Variants in GPBP1 observed in about 807,000 individuals in gnomAD.
GPBP1 encodes vasculin.
A neutral mutation model predicts 56.5 loss-of-function variants in GPBP1; 13 were observed. That is an observed-to-expected ratio of 0.23 (90% CI 0.15 to 0.37). GPBP1 has a LOEUF of 0.37. GPBP1 is among the 10% of genes least tolerant of loss of function. The pLI is 1.00. For synonymous variants in GPBP1, 204 were observed against 188.9 expected (o/e 1.08, Z -0.66); for missense variants, 477 against 572.3 (o/e 0.83, Z 1.70).
chr5:57,241,217 A>G (rs961558355), intron 6 of GPBP1, among the ~76,000 whole-genome samples: 2 of 152,178 alleles, frequency 1.3e-5, no homozygotes, highest in Admixed American at 6.5e-5. Context: ...TAGTGAAAGG[A>G]AAGAGGTGAG....
chr5:57,180,987 C>T (rs1754018719), intron 2 of GPBP1, among the ~76,000 whole-genome samples: 1 of 152,082 alleles, frequency 6.6e-6, no homozygotes, highest in South Asian at 2.1e-4. Flanking sequence ...GGTGATCCAC[C>T]CACCTCAACA....
chr5:57,215,588 T>G (rs1263734928), intron 3 of GPBP1, among the ~76,000 whole-genome samples: 1 of 152,226 alleles, frequency 6.6e-6, no homozygotes, highest in Non-Finnish European at 1.5e-5. Context: ...AGGGCTCTCC[T>G]TACGTATCTC....
intron 10 of GPBP1, among the ~76,000 whole-genome samples, chr5:57,252,271 A>G (rs1455313303): frequency 1.3e-5 from 2 of 152,018 alleles, no homozygotes; most frequent in African/African-American, 2.4e-5. Flanking sequence ...ATTGAAGGGC[A>G]GAAAGTTTTA....
intron 2 of GPBP1, among the ~76,000 whole-genome samples, chr5:57,179,492 C>T (rs1214328630): frequency 1.3e-5 from 2 of 152,166 alleles, no homozygotes; most frequent in Non-Finnish European, 2.9e-5. Flanking sequence ...GGATTACAGG[C>T]CTAAACCACA....
intron 2 of GPBP1, among the ~76,000 whole-genome samples, chr5:57,202,085 C>T (rs1755044780): frequency 6.6e-6 from 1 of 152,140 alleles, no homozygotes. Flanking sequence ...CCTTGACTTC[C>T]CAGGTTCAGG....
chr5:57,236,099 G>A (rs1660811495), intron 6 of GPBP1, 67 bp downstream of exon 6: 2 of 1,085,226 alleles, frequency 1.8e-6, no homozygotes, highest in Admixed American at 2.0e-5. Flanking sequence ...CACTTTTTGT[G>A]TTTTTTAAAA....
At chr5:57,227,512 G>A (rs1244739449) in intron 3 of GPBP1, among the ~76,000 whole-genome samples, 1 of 152,306 alleles carries the variant, frequency 6.6e-6, no homozygotes, top group South Asian at 2.1e-4. Flanking sequence ...GTTCTTGCTT[G>A]TATGCCAAGA....
At position 57,223,819 on chromosome 5, in the gene GPBP1, A is replaced by G. The variant is rs1252960877; in HGVS notation, c.64-7027A>G. ...TAAAATTTATAATTTTAAAAAATAT[A>G]TATATTTGTTTATTTTATTTTATTT... On this transcript the variant is annotated intron_variant, in intron 3 of 11. Coordinates refer to ENST00000506184, the MANE Select transcript of GPBP1 (RefSeq NM_022913.4). 3.3e-5 allele frequency among the ~76,000 whole-genome samples: 5 copies of G among 149,430 alleles called. No individual in the cohort carries two copies. In the South Asian group the frequency reaches 1.0e-3, roughly 31 times the overall value.
At chr5:57,248,777 C>T (rs1376451266) in intron 8 of GPBP1, 2 of 152,186 alleles carry the variant, frequency 1.3e-5, no homozygotes, top group African/African-American at 4.8e-5. Context: ...GAAGGACTAG[C>T]ATTCCTAGCT....
At chr5:57,251,813 A>T (rs1741405953) in intron 10 of GPBP1, among the ~76,000 whole-genome samples, 1 of 152,096 alleles carries the variant, frequency 6.6e-6, no homozygotes, top group Non-Finnish European at 1.5e-5. Context: ...AGCAATATAG[A>T]AGGTTCTAGT....
chr5:57,201,938 G>A (rs1390733804), intron 2 of GPBP1, among the ~76,000 whole-genome samples: 1 of 152,084 alleles, frequency 6.6e-6, no homozygotes, highest in Non-Finnish European at 1.5e-5. Flanking sequence ...TTGTAGCTTA[G>A]GGGCAAATTA....
intron 2 of GPBP1, among the ~76,000 whole-genome samples, chr5:57,194,108 G>T (rs1335453896): frequency 6.6e-6 from 1 of 152,124 alleles, no homozygotes; most frequent in African/African-American, 2.4e-5. Flanking sequence ...ATTAGTATGT[G>T]TAAAGTTACC....
chr5:57,242,276 A>G (rs545680876), intron 6 of GPBP1, among the ~76,000 whole-genome samples: 1 of 152,200 alleles, frequency 6.6e-6, no homozygotes, highest in Non-Finnish European at 1.5e-5. Flanking sequence ...ATCCTATGCT[A>G]GTGACAGTGT....
chr5:57,191,558 G>GTT (rs60401326), intron 2 of GPBP1, among the ~76,000 whole-genome samples: 1 of 145,010 alleles, frequency 6.9e-6, no homozygotes, highest in Non-Finnish European at 1.5e-5. Context: ...TTATCTTTAG[G>GTT]TTTTTTTTTT....
Position 57,175,725 on chromosome 5 carries a change from C to T in GPBP1, c.-733C>T. ...TCAGCTGGTGGTAATTTTTGCCTCC[C>T]CTTCCCCCACCCCGTTGTTGGGGTT... On this transcript the variant is annotated 5_prime_UTR_variant, in exon 2 of 12. Transcript: ENST00000506184. 2.5e-6 allele frequency: 1 copy of T among 396,588 alleles called. No individual in the cohort carries two copies. The highest frequency in any genetic ancestry group is 4.4e-6 in the Non-Finnish European group (1 of 225,374). 24.6% of individuals were successfully genotyped at this position (396,588 alleles called of 1,614,324 possible).
chr5:57,189,038 G>A (rs933182473), intron 2 of GPBP1, among the ~76,000 whole-genome samples: 5 of 152,268 alleles, frequency 3.3e-5, no homozygotes, highest in Non-Finnish European at 5.9e-5. Flanking sequence ...TGTTGCCTAG[G>A]CTGGAGTATA....
chr5:57,228,370 A>G (rs940087014), intron 3 of GPBP1, among the ~76,000 whole-genome samples: 1 of 151,898 alleles, frequency 6.6e-6, no homozygotes, highest in Non-Finnish European at 1.5e-5. Context: ...CAGGAGAATC[A>G]TTTGAACCTG....
chr5:57,262,695 T>C lies in GPBP1; in HGVS notation c.1365T>C (p.Thr455=), dbSNP rs745933341. 11 of 1,613,818 alleles carry C rather than the reference T, an allele frequency of 6.8e-6. No homozygotes were observed. The highest frequency in any genetic ancestry group is 6.6e-5 in the South Asian group (6 of 91,072). ...PWKNSTFKPT[T]ENDDTETSSS... ...AGAACAGCACTTTCAAACCCACAAC[T>C]GAGAATGATGACACAGAGACAAGTA... The change falls in exon 12 of 12, where the codon ACT becomes ACC. Residue 455 remains threonine (T), a synonymous_variant. Coordinates refer to ENST00000506184, the MANE Select transcript of GPBP1 (RefSeq NM_022913.4).
intron 6 of GPBP1, among the ~76,000 whole-genome samples, chr5:57,236,628 A>G (rs543412932): frequency 7.5e-4 from 114 of 152,112 alleles, no homozygotes; most frequent in Non-Finnish European, 1.3e-3. Context: ...GACTGCTGAC[A>G]GTTCAATTTG....
Sources: gnomAD v4.1 joint callset for allele counts (sites outside exome capture counted in the v4.1 genomes callset) on GRCh38, gnomAD v4.1.1 for gene constraint, MANE v1.5 for transcripts, NCBI Gene and HGNC (gene_info 2026-07-23, HGNC 2026-07-21) for gene names.